ELP1: variants seen among roughly 807,000 people sequenced by gnomAD.
ELP1 encodes the protein elongator complex protein 1.
Under a neutral mutation model 183.2 loss-of-function variants are expected in ELP1, and 131 were observed. That is an observed-to-expected ratio of 0.72 (90% CI 0.62 to 0.83). The LOEUF is 0.83. Among genes scored for constraint, ELP1 ranks in the 40% least tolerant of loss-of-function variants. The pLI is 0.00. For synonymous variants in ELP1, 555 were observed against 569.0 expected (o/e 0.98, Z 0.35); for missense variants, 1,550 against 1,594.9 (o/e 0.97, Z 0.48).
intron 9 of ELP1, among the ~76,000 whole-genome samples, chr9:108,917,041 G>A (rs7874494): frequency 8.3e-4 from 127 of 152,142 alleles, no homozygotes; most frequent in African/African-American, 2.7e-3. Context: ...ATCTAAGGTG[G>A]GGGACAAATG....
intron 25 of ELP1, among the ~76,000 whole-genome samples, chr9:108,894,298 C>A (rs1171875635): frequency 1.3e-5 from 2 of 152,326 alleles, no homozygotes; most frequent in African/African-American, 4.8e-5. Flanking sequence ...TACCCCAGTC[C>A]TACATTTGAC....
intron 34 of ELP1, 120 bp downstream of exon 34, chr9:108,878,503 T>G: frequency 7.5e-7 from 1 of 1,336,118 alleles, no homozygotes; most frequent in Non-Finnish European, 1.1e-6. Flanking sequence ...CTGCTAAAAG[T>G]TCTCATCTTT....
intron 5 of ELP1, 65 bp from the exon 6 acceptor site, chr9:108,922,992 T>C: frequency 8.5e-7 from 1 of 1,172,338 alleles, no homozygotes; most frequent in Non-Finnish European, 1.3e-6. Flanking sequence ...GTTTCACTGC[T>C]ATTCTTCATG....
chr9:108,912,611 C>T (rs180889625), intron 10 of ELP1, 117 bp from the exon 11 acceptor site: 16 of 735,662 alleles, frequency 2.2e-5, no homozygotes, highest in African/African-American at 1.2e-4. Context: ...TGCTCAGCCT[C>T]GTCTCTAAAA....
intron 10 of ELP1, among the ~76,000 whole-genome samples, chr9:108,914,307 G>A (rs1829347037): frequency 6.9e-6 from 1 of 145,698 alleles, no homozygotes; most frequent in African/African-American, 2.5e-5. Context: ...GCTGAGGCAG[G>A]AAAATGGAGT....
intron 1 of ELP1, among the ~76,000 whole-genome samples, chr9:108,932,533 G>A (rs530678938): frequency 8.4e-4 from 128 of 152,080 alleles, no homozygotes; most frequent in African/African-American, 3.0e-3. Context: ...GTAGAGACAG[G>A]GTTTCACCAT....
rs1183324668 is a variant in ELP1 at position 108,896,502 on chromosome 9, T to C, written c.2730A>G (p.Ser910=). 2 of 1,613,978 alleles carry C rather than the reference T, an allele frequency of 1.2e-6. No homozygotes were observed. Among genetic ancestry groups the C allele is most frequent in the Admixed American group, 3.3e-5 (2 of 60,008 alleles). The stretch of plus-strand genomic sequence containing the variant: ...AAGTAAGAACTCCACATACCTTCTG[T>C]GACTTCTCAGCTACCATGAGGACCA... The part of the protein sequence containing the change: ...FDLVLMVAEK[S]QKDPKEYLPF... The change falls in exon 25 of 37, where the codon TCA becomes TCG. Residue 910 remains serine (S), a synonymous_variant. Transcript: ENST00000374647.
At chr9:108,925,686 T>C (rs1038609592) in intron 5 of ELP1, among the ~76,000 whole-genome samples, 1 of 152,162 alleles carries the variant, frequency 6.6e-6, no homozygotes, top group African/African-American at 2.4e-5. Context: ...CATCATGTCA[T>C]TACTGTGCTG....
At chr9:108,907,612 G>A (rs770975041) in intron 13 of ELP1, among the ~76,000 whole-genome samples, 3 of 152,066 alleles carry the variant, frequency 2.0e-5, no homozygotes, top group Non-Finnish European at 4.4e-5. Context: ...GAAGAACATG[G>A]ACTTATCAAA....
intron 1 of ELP1, 75 bp downstream of exon 1, chr9:108,933,789 T>A (rs1252559272): frequency 6.5e-6 from 1 of 152,956 alleles, no homozygotes; most frequent in Non-Finnish European, 1.5e-5. Flanking sequence ...CAGAGGAGGC[T>A]CCGGGTCTCC....
intron 22 of ELP1, 65 bp downstream of exon 22, chr9:108,898,437 G>C (rs1413953323): frequency 9.4e-7 from 1 of 1,067,518 alleles, no homozygotes; most frequent in African/African-American, 1.6e-5. Flanking sequence ...ATTTATGCTT[G>C]ATTTCCTTAA....
intron 7 of ELP1, 112 bp downstream of exon 7, chr9:108,919,141 T>C: frequency 1.3e-6 from 1 of 793,072 alleles, no homozygotes; most frequent in Non-Finnish European, 2.2e-6. Flanking sequence ...AGCACATCCT[T>C]GCCTCATATG....
intron 10 of ELP1, among the ~76,000 whole-genome samples, chr9:108,914,183 C>T (rs555939001): frequency 6.6e-5 from 10 of 152,050 alleles, no homozygotes; most frequent in African/African-American, 2.4e-4. Flanking sequence ...GGGCAGATCA[C>T]GAGATGGAGA....
At position 108,867,700 on chromosome 9, in the gene ELP1, G is replaced by A. The variant is rs1454675373; in HGVS notation, c.*1415C>T. Reference sequence around the variant, plus strand: ...ACTTAATTACAGCAAACCCATGTAAGTCAAAAAGTAGATTTCTCCAAAGCA... The same window carrying A: ...ACTTAATTACAGCAAACCCATGTAAATCAAAAAGTAGATTTCTCCAAAGCA... On this transcript the variant is annotated 3_prime_UTR_variant, in exon 37 of 37. Coordinates refer to ENST00000374647, the MANE Select transcript of ELP1 (RefSeq NM_003640.5). 1 of 152,150 alleles carries A rather than the reference G, an allele frequency of 6.6e-6. No homozygotes were observed. Among genetic ancestry groups the A allele is most frequent in the African/African-American group, 2.4e-5 (1 of 41,426 alleles). 9.4% of individuals were successfully genotyped at this position (152,150 alleles called of 1,614,324 possible).
At position 108,902,799 on chromosome 9, in the gene ELP1, T is replaced by C. The variant is rs571289951; in HGVS notation, c.1854+40A>G. The C allele has an allele frequency of 6.8e-6, 10 of 1,469,226 alleles. No homozygotes were observed. The East Asian group carries it at 2.0e-4, about 30-fold the overall frequency. 91.0% of individuals were successfully genotyped at this position (1,469,226 alleles called of 1,614,324 possible). ...CTACTTAATGCCATCAGTCCCTGGG[T>C]AACTACTTTAAGTAAATTTCCTGCT... On this transcript the variant is annotated intron_variant, in intron 16 of 36. Transcript: ENST00000374647.
At chr9:108,871,341 G>T (rs539022385) in intron 36 of ELP1, among the ~76,000 whole-genome samples, 16 of 152,302 alleles carry the variant, frequency 1.1e-4, no homozygotes, top group South Asian at 8.3e-4. Context: ...AACTCATGGA[G>T]TTTGGGGTGG....
intron 10 of ELP1, 36 bp from the exon 11 acceptor site, chr9:108,912,530 T>A: frequency 6.7e-7 from 1 of 1,500,680 alleles, no homozygotes; most frequent in South Asian, 1.1e-5. Flanking sequence ...CGTTAGAGGC[T>A]GGGAAGCAGA....
chr9:108,912,696 T>C (rs536092661), intron 10 of ELP1, among the ~76,000 whole-genome samples: 1 of 151,910 alleles, frequency 6.6e-6, no homozygotes, highest in Non-Finnish European at 1.5e-5. Context: ...GTCAGAAATA[T>C]ATGTTTATTT....
chr9:108,883,080 TTG>T (rs1827993118), intron 29 of ELP1, among the ~76,000 whole-genome samples: 1 of 152,198 alleles, frequency 6.6e-6, no homozygotes, highest in Admixed American at 6.5e-5. Context: ...AATTTATTGA[TTG>T]TGTTTTTGGT....
Sources: allele counts gnomAD v4.1 joint callset (sites outside exome capture counted in the v4.1 genomes callset), GRCh38; gene constraint gnomAD v4.1.1; transcripts MANE v1.5; gene names NCBI Gene and HGNC (gene_info 2026-07-23, HGNC 2026-07-21).